Variants in DBF4 observed in about 807,000 individuals in gnomAD.
DBF4 encodes the protein DBF4-CDC7 kinase regulatory subunit.
DBF4 carries 25 observed loss-of-function variants against 76.6 expected under a neutral mutation model. That is an observed-to-expected ratio of 0.33 (90% CI 0.24 to 0.46). The LOEUF (loss-of-function observed/expected upper bound fraction) is 0.46. DBF4 is among the 20% of genes least tolerant of loss of function. The probability of loss-of-function intolerance (pLI) is 1.00; values close to 1 mark genes in which losing one functional copy is unlikely to be tolerated. For synonymous variants in DBF4, 213 were observed against 258.0 expected, an observed-to-expected ratio of 0.83 and a Z score of 1.67; for missense variants, 638 against 760.8, an observed-to-expected ratio of 0.84 and a Z score of 1.90.
intron 1 of DBF4, among the ~76,000 whole-genome samples, chr7:87,877,821 A>G (rs1463060594): frequency 2.0e-5 from 3 of 152,232 alleles, no homozygotes; most frequent in African/African-American, 7.2e-5. Context: ...AGGAATAAAC[A>G]CACGAATATT....
In DBF4 at chr7:87,907,897, A is replaced by G. The variant is rs1340294559; in HGVS notation, c.1759A>G (p.Lys587Glu). The G allele has an allele frequency of 6.2e-7, 1 of 1,612,944 alleles. No homozygotes were observed. The highest frequency in any genetic ancestry group is 1.3e-5 in the African/African-American group (1 of 74,816). ...KVKIILGRNR[K>E]ENLEPNAEFD... is the part of the protein sequence containing the mutation. ...GAAAATAATATTAGGACGAAATAGAAAAGAAAATCTGGAACCAAATGCTGA... is the reference window on the plus strand; with the variant it reads ...GAAAATAATATTAGGACGAAATAGAGAAGAAAATCTGGAACCAAATGCTGA... Residue 587 changes from lysine to glutamate, a missense_variant, in exon 12 of 12, where the codon AAA becomes GAA. Coordinates refer to ENST00000265728, the MANE Select transcript of DBF4 (RefSeq NM_006716.4).
In DBF4 at chr7:87,908,303, A is replaced by G. The variant is rs1424833753; in HGVS notation, c.*140A>G. On this transcript the variant is annotated 3_prime_UTR_variant, in exon 12 of 12. Coordinates refer to ENST00000265728, the MANE Select transcript of DBF4 (RefSeq NM_006716.4). ...GTAAATATTAAAAATAAATATTTGC[A>G]ATTTTCTACAGAATTGAATACCTGT... The G allele has an allele frequency of 2.0e-5, 18 of 908,550 alleles. No homozygotes were observed. 56.3% of individuals were successfully genotyped at this position (908,550 alleles called of 1,614,324 possible). A position where few individuals can be genotyped will look rare whatever the true frequency, so the allele number is the denominator to read the frequency against.
intron 6 of DBF4, among the ~76,000 whole-genome samples, chr7:87,892,515 T>A (rs1227381022): frequency 1.3e-5 from 2 of 152,248 alleles, no homozygotes; most frequent in Non-Finnish European, 2.9e-5. Context: ...TTCCAAGTTC[T>A]GGCAGTTATG....
At chr7:87,903,047 C>G (rs1432340519) in intron 10 of DBF4, among the ~76,000 whole-genome samples, 3 of 152,058 alleles carry the variant, frequency 2.0e-5, no homozygotes, top group Non-Finnish European at 4.4e-5. Flanking sequence ...TTGTTGTGAA[C>G]TTGTTTACTT....
chr7:87,890,132 CCTT>C (rs1460389769), intron 6 of DBF4, among the ~76,000 whole-genome samples: 13 of 152,158 alleles, frequency 8.5e-5, no homozygotes, highest in Non-Finnish European at 1.6e-4. Context: ...TAGTTACCCT[CCTT>C]AATGTGGTGG....
intron 8 of DBF4, among the ~76,000 whole-genome samples, chr7:87,897,682 A>G (rs776067123): frequency 5.9e-5 from 9 of 152,222 alleles, no homozygotes; most frequent in Non-Finnish European, 1.3e-4. Context: ...AAATTATTAG[A>G]TGCTATTTAG....
In DBF4 at chr7:87,907,896, A is replaced by G. The variant is rs752216510; in HGVS notation, c.1758A>G (p.Arg586=). The change falls in exon 12 of 12, where the codon AGA becomes AGG. Residue 586 remains arginine (R), a synonymous_variant. Transcript: ENST00000265728. ...TGAAAATAATATTAGGACGAAATAGAAAAGAAAATCTGGAACCAAATGCTG... is the reference window on the plus strand; with the variant it reads ...TGAAAATAATATTAGGACGAAATAGGAAAGAAAATCTGGAACCAAATGCTG... ...RKVKIILGRN[R]KENLEPNAEF... The G allele has an allele frequency of 6.2e-7, 1 of 1,613,136 alleles. No individual in the cohort carries two copies. The highest frequency in any genetic ancestry group is 8.5e-7 in the Non-Finnish European group (1 of 1,179,814).
chr7:87,895,578 A>C (rs1043150038), intron 6 of DBF4, among the ~76,000 whole-genome samples: 7 of 151,770 alleles, frequency 4.6e-5, no homozygotes, highest in Non-Finnish European at 8.8e-5. Context: ...TCTCAGTTTC[A>C]ATTTTCAAAG....
rs140164949 is a variant in DBF4 at position 87,884,034 on chromosome 7, G to A, written c.220-945G>A. Among the ~76,000 whole-genome samples the A allele has an allele frequency of 8.6e-3, 1,308 of 152,058 alleles. 18 individuals carry two copies. Among genetic ancestry groups the A allele is most frequent in the African/African-American group, 0.03 (1,224 of 41,452 alleles). ...TATAAGTAAATTCAGATACTTAGGC[G>A]GTGGTTTTCAAACATTTTAGTAAAG... is the stretch of plus-strand genomic sequence containing the variant. On this transcript the variant is annotated intron_variant, in intron 2 of 11. Transcript: ENST00000265728.
chr7:87,897,903 A>C (rs572958525), intron 8 of DBF4, among the ~76,000 whole-genome samples: 1 of 152,114 alleles, frequency 6.6e-6, no homozygotes, highest in South Asian at 2.1e-4. Context: ...TCAGCCTCCC[A>C]AGTAGCTGGG....
At chr7:87,893,506 A>G (rs1584363257) in intron 6 of DBF4, among the ~76,000 whole-genome samples, 1 of 151,776 alleles carries the variant, frequency 6.6e-6, no homozygotes, top group Non-Finnish European at 1.5e-5. Flanking sequence ...CGGCCTCCCA[A>G]AGTGCTGGGA....
intron 10 of DBF4, among the ~76,000 whole-genome samples, chr7:87,902,222 T>C (rs1016385996): frequency 8.4e-4 from 128 of 152,322 alleles, no homozygotes; most frequent in African/African-American, 2.9e-3. Context: ...AGAAAATTAG[T>C]GAAAGCAGAT....
intron 10 of DBF4, among the ~76,000 whole-genome samples, chr7:87,901,090 T>C (rs1034701219): frequency 6.6e-6 from 1 of 152,072 alleles, no homozygotes; most frequent in African/African-American, 2.4e-5. Context: ...AAAACAGACT[T>C]AATTTTTTAC....
chr7:87,903,674 T>C (rs1436942962), intron 10 of DBF4, among the ~76,000 whole-genome samples: 2 of 150,936 alleles, frequency 1.3e-5, no homozygotes, highest in African/African-American at 4.9e-5. Context: ...TACTGTTGTC[T>C]CTCTCTCTGT....
At chr7:87,898,707 C>T (rs532529526) in intron 8 of DBF4, among the ~76,000 whole-genome samples, 14 of 150,270 alleles carry the variant, frequency 9.3e-5, no homozygotes, top group Admixed American at 6.0e-4. Context: ...AGGAGAATGG[C>T]GTGAACCCGG....
intron 2 of DBF4, among the ~76,000 whole-genome samples, chr7:87,879,539 T>C (rs1437017384): frequency 8.5e-5 from 13 of 152,126 alleles, no homozygotes; most frequent in Admixed American, 8.5e-4. Flanking sequence ...TACCCCTTCA[T>C]CTTAGAAACA....
At chr7:87,894,574 A>G (rs1476949418) in intron 6 of DBF4, among the ~76,000 whole-genome samples, 1 of 152,240 alleles carries the variant, frequency 6.6e-6, no homozygotes, top group Non-Finnish European at 1.5e-5. Flanking sequence ...TTCTTCGGAT[A>G]TATCCCTTTA....
chr7:87,887,228 C>T (rs557893106), intron 4 of DBF4, 101 bp from the exon 5 acceptor site: 1 of 961,520 alleles, frequency 1.0e-6, no homozygotes, highest in African/African-American at 1.7e-5. Flanking sequence ...TTACAAATAA[C>T]TGCCTTAGTG....
intron 2 of DBF4, 91 bp downstream of exon 2, chr7:87,878,316 C>A: frequency 2.0e-6 from 2 of 1,008,124 alleles, no homozygotes; most frequent in Non-Finnish European, 2.9e-6. Context: ...TTTTGGAAAA[C>A]GCTTCTATTA....
Sources: gnomAD v4.1 joint callset for allele counts (sites outside exome capture counted in the v4.1 genomes callset) on GRCh38, gnomAD v4.1.1 for gene constraint, MANE v1.5 for transcripts, NCBI Gene and HGNC (gene_info 2026-07-23, HGNC 2026-07-21) for gene names.